The following GRM5 variants were observed in gnomAD, a reference collection of about 807,000 sequenced individuals.
GRM5 encodes metabotropic glutamate receptor 5.
A neutral mutation model predicts 83.1 loss-of-function variants in GRM5; 19 were observed. The ratio of observed to expected loss-of-function variants is 0.23; its 90% CI spans 0.16 to 0.34. The LOEUF (loss-of-function observed/expected upper bound fraction) is 0.34, where lower values mean the gene tolerates loss of function less well. GRM5 is among the 10% of genes least tolerant of loss of function. GRM5 has a pLI of 1.00. For missense variants in GRM5, 1,160 were observed against 1,588.3 expected (o/e 0.73, Z 4.58); for synonymous variants, 675 against 633.6 (o/e 1.07, Z -0.98).
At chr11:88,617,313 A>C (rs1005874563) in intron 4 of GRM5, among the ~76,000 whole-genome samples, 6 of 152,206 alleles carry the variant, frequency 3.9e-5, no homozygotes, top group African/African-American at 1.4e-4. Context: ...GAGCTGGAGA[A>C]GCTAGTTGAG....
intron 1 of GRM5, among the ~76,000 whole-genome samples, chr11:89,057,316 G>A (rs1941898642): frequency 6.6e-6 from 1 of 152,132 alleles, no homozygotes; most frequent in Non-Finnish European, 1.5e-5. Context: ...AGAGAACCCT[G>A]TAGTCTGAGG....
intron 2 of GRM5, among the ~76,000 whole-genome samples, chr11:88,859,530 T>C (rs1330448845): frequency 2.0e-5 from 3 of 152,164 alleles, no homozygotes; most frequent in African/African-American, 7.2e-5. Context: ...CCTAATGAAG[T>C]TGCTATTATT....
chr11:88,959,015 A>G (rs1338695280), intron 2 of GRM5, among the ~76,000 whole-genome samples: 1 of 152,176 alleles, frequency 6.6e-6, no homozygotes, highest in Admixed American at 6.5e-5. Flanking sequence ...CTGTGATACC[A>G]TGTGTCAGAA....
chr11:88,986,307 G>C (rs1243459345), intron 2 of GRM5, among the ~76,000 whole-genome samples: 1 of 152,140 alleles, frequency 6.6e-6, no homozygotes, highest in Non-Finnish European at 1.5e-5. Flanking sequence ...TATAGAGATG[G>C]AGAACAGATT....
At chr11:88,750,280 G>A (rs563563059) in intron 3 of GRM5, among the ~76,000 whole-genome samples, 2 of 151,918 alleles carry the variant, frequency 1.3e-5, no homozygotes, top group African/African-American at 2.4e-5. Flanking sequence ...AAAAAGAAGT[G>A]GTTGCAATCC....
chr11:88,823,604 C>T (rs191125320), intron 3 of GRM5, among the ~76,000 whole-genome samples: 150 of 152,028 alleles, frequency 9.9e-4, no homozygotes, highest in Middle Eastern at 3.4e-3. Flanking sequence ...GTACTACTGA[C>T]TAGGATGCTC....
chr11:89,017,760 T>G (rs1268731353), intron 2 of GRM5, among the ~76,000 whole-genome samples: 3 of 152,348 alleles, frequency 2.0e-5, no homozygotes, highest in South Asian at 2.1e-4. Context: ...ATTTGTTGAG[T>G]ACCCACCATA....
chr11:88,987,929 T>G (rs1483214336), intron 2 of GRM5, among the ~76,000 whole-genome samples: 1 of 149,900 alleles, frequency 6.7e-6, no homozygotes, highest in Admixed American at 6.6e-5. Context: ...ACAGAAAAAC[T>G]GGAAACTCTA....
intron 2 of GRM5, among the ~76,000 whole-genome samples, chr11:88,877,829 G>GGAA (rs112098289): frequency 1.5e-5 from 2 of 137,066 alleles, no homozygotes; most frequent in African/African-American, 2.7e-5. Context: ...CTCTGTGGAA[G>GGAA]AAAAAAAAAA....
chr11:88,867,132 G>T (rs1488484008), intron 2 of GRM5, among the ~76,000 whole-genome samples: 1 of 151,602 alleles, frequency 6.6e-6, no homozygotes, highest in East Asian at 1.9e-4. Flanking sequence ...CTTAAAGTCA[G>T]GTGGCGTGAT....
At position 88,898,634 on chromosome 11, in the gene GRM5, T is replaced by TACAC. The variant is rs994027658; in HGVS notation, c.662-48483_662-48480dup. Among the ~76,000 whole-genome samples, 171 of 151,126 alleles carry TACAC rather than the reference T, an allele frequency of 1.1e-3. 1 individual carries two copies. The highest frequency in any genetic ancestry group is 3.9e-3 in the African/African-American group (161 of 41,328). On this transcript the variant is annotated intron_variant, in intron 2 of 9. Transcript: ENST00000305447. ...GTTATCCAGTCATATGTGTCATATA[T>TACAC]ACACACACACACACACATAAACACA...
chr11:88,969,740 C>T (rs865809577), intron 2 of GRM5, among the ~76,000 whole-genome samples: 2 of 151,904 alleles, frequency 1.3e-5, no homozygotes, highest in African/African-American at 2.4e-5. Flanking sequence ...AAACTGATGT[C>T]AAAAAGAAAG....
At chr11:88,547,820 A>G (rs1942419566) in intron 8 of GRM5, among the ~76,000 whole-genome samples, 1 of 152,160 alleles carries the variant, frequency 6.6e-6, no homozygotes. Context: ...AAATTAGCAT[A>G]TTTTTATTTT....
chr11:88,510,272 A>G (rs1463556789), intron 9 of GRM5, among the ~76,000 whole-genome samples: 2 of 152,210 alleles, frequency 1.3e-5, no homozygotes, highest in Non-Finnish European at 2.9e-5. Flanking sequence ...AGTGATCTCA[A>G]ATTAGGATCC....
chr11:88,941,550 GAGGAGGAGGAGAGGA>G (rs1938112875), intron 2 of GRM5, among the ~76,000 whole-genome samples: 1 of 78,722 alleles, frequency 1.3e-5, no homozygotes, highest in Non-Finnish European at 2.8e-5. Context: ...GAGGAGAGAG[GAGGAGGAGGAGAGGA>G]GGAGAGGAGG....
At chr11:89,005,618 T>C (rs1411717906) in intron 2 of GRM5, among the ~76,000 whole-genome samples, 1 of 152,192 alleles carries the variant, frequency 6.6e-6, no homozygotes, top group Non-Finnish European at 1.5e-5. Flanking sequence ...CTATAATATA[T>C]CTATTTTTAG....
chr11:89,036,615 G>A (rs578046993), intron 2 of GRM5, among the ~76,000 whole-genome samples: 16 of 148,946 alleles, frequency 1.1e-4, no homozygotes, highest in South Asian at 2.2e-4. Context: ...GAAATTAAAT[G>A]TACTTGTCCA....
chr11:88,893,717 G>T (rs1945184794), intron 2 of GRM5, among the ~76,000 whole-genome samples: 1 of 151,952 alleles, frequency 6.6e-6, no homozygotes, highest in Non-Finnish European at 1.5e-5. Flanking sequence ...ACAACACATG[G>T]ATGCATCTTT....
chr11:89,059,018 T>G (rs1309380790), intron 1 of GRM5, among the ~76,000 whole-genome samples: 1 of 152,196 alleles, frequency 6.6e-6, no homozygotes, highest in Admixed American at 6.5e-5. Context: ...TCAAAAAATA[T>G]TTTTGATTAT....
Sources: gnomAD v4.1 joint callset for allele counts (sites outside exome capture counted in the v4.1 genomes callset) on GRCh38, gnomAD v4.1.1 for gene constraint, MANE v1.5 for transcripts, NCBI Gene and HGNC (gene_info 2026-07-23, HGNC 2026-07-21) for gene names.